The following AKT2 variants were observed in gnomAD, a reference collection of about 807,000 sequenced individuals.
AKT2 encodes the protein RAC-beta serine/threonine-protein kinase.
AKT2 carries 16 observed loss-of-function variants against 58.6 expected under a neutral mutation model. The observed-to-expected ratio is 0.27, with a 90% CI of 0.18 to 0.41. The LOEUF is 0.41. Among genes scored for constraint, AKT2 ranks in the 10% least tolerant of loss-of-function variants. The pLI is 1.00. For synonymous variants in AKT2, 253 were observed against 254.0 expected (o/e 1.00, Z 0.04); for missense variants, 438 against 661.0 (o/e 0.66, Z 3.70).
Position 40,235,057 on chromosome 19 carries a change from G to A in AKT2, c.1354C>T (p.Pro452Ser). The A allele has an allele frequency of 6.2e-7, 1 of 1,614,160 alleles. No individual in the cohort carries two copies. Among genetic ancestry groups the A allele is most frequent in the Non-Finnish European group, 8.5e-7 (1 of 1,179,994 alleles). The change falls in exon 13 of 14, where the codon CCC becomes TCC. Residue 452 changes from proline to serine, a missense_variant. Pro to Ser is a moderately conservative substitution (Grantham distance 74). Transcript: ENST00000392038. This position sits in a 1 kb window ranked among gnomAD's most constrained non-coding sequence, Gnocchi z 6.3. ...CCCAGGCACTCACAGCGGTCAGGGG[G>A]TGTGATTGTGATGGACTGGGCGGTA... ...EFTAQSITIT[P>S]PDRYDSLGLL...
In AKT2 at chr19:40,233,589, T is replaced by C; in HGVS notation, c.*283A>G. 1 of 705,220 alleles carries C rather than the reference T, an allele frequency of 1.4e-6. No individual in the cohort carries two copies. Among genetic ancestry groups the C allele is most frequent in the Non-Finnish European group, 2.6e-6 (1 of 378,666 alleles). The allele number at this position is 705,220 out of a possible 1,614,324, so 43.7% of individuals were successfully genotyped here. ...ATGCTTCACCCCTCACTGGGGCTTG[T>C]GTGGATTAAAACCTGAATCTCCAAC... On this transcript the variant is annotated 3_prime_UTR_variant, in exon 14 of 14. Transcript: ENST00000392038. The surrounding 1 kb of genome is among the most constrained non-coding windows in gnomAD (Gnocchi z 4.3).
chr19:40,282,541 TC>T, intron 1 of AKT2: 1 of 532,434 alleles, frequency 1.9e-6, no homozygotes, highest in South Asian at 1.4e-5. Context: ...AGCCTGAGGC[TC>T]AGGGGTAAGA....
At chr19:40,278,855 A>C (rs1008822530) in intron 1 of AKT2, among the ~76,000 whole-genome samples, 1 of 151,904 alleles carries the variant, frequency 6.6e-6, no homozygotes, top group Non-Finnish European at 1.5e-5. Context: ...CTTAGGGAGA[A>C]GAAATAAGGC....
rs1973904054 is a variant in AKT2 at position 40,234,729 on chromosome 19, C to T, written c.1366+316G>A. ...ATCAGTGCTGTGTCCCCAGCATAGC[C>T]CAGCCCTGGGCTGAGTTCAGAGTAA... On this transcript the variant is annotated intron_variant, in intron 13 of 13. Coordinates refer to ENST00000392038, the MANE Select transcript of AKT2 (RefSeq NM_001626.6). The surrounding 1 kb of genome is among the most constrained non-coding windows in gnomAD (Gnocchi z 4.7). 3.3e-6 allele frequency: 2 copies of T among 602,758 alleles called. No homozygotes were observed. The highest frequency in any genetic ancestry group is 5.9e-6 in the Non-Finnish European group (2 of 339,138). 37.3% of individuals were successfully genotyped at this position (602,758 alleles called of 1,614,324 possible). A position where few individuals can be genotyped will look rare whatever the true frequency, so the allele number is the denominator to read the frequency against.
At position 40,238,567 on chromosome 19, in the gene AKT2, C is replaced by A. The variant is rs968390035; in HGVS notation, c.708+338G>T. ...TTCGAGAGGACACGGGAACGGAGGG[C>A]TGCTAGGTTTTAACCCTTGGGGGCT... On this transcript the variant is annotated intron_variant, in intron 8 of 13. Coordinates refer to ENST00000392038, the MANE Select transcript of AKT2 (RefSeq NM_001626.6). The surrounding 1 kb of genome is among the most constrained non-coding windows in gnomAD (Gnocchi z 5.1). 1.3e-5 allele frequency among the ~76,000 whole-genome samples: 2 copies of A among 152,134 alleles called. No individual in the cohort carries two copies. Among genetic ancestry groups the A allele is most frequent in the Non-Finnish European group, 2.9e-5 (2 of 68,024 alleles).
intron 1 of AKT2, among the ~76,000 whole-genome samples, chr19:40,266,986 T>C (rs1189253609): frequency 1.3e-5 from 2 of 152,002 alleles, no homozygotes; most frequent in African/African-American, 4.8e-5. Context: ...TATGTATGTA[T>C]TTCTGTATCT....
At position 40,274,687 on chromosome 19, in the gene AKT2, C is replaced by T. The variant is rs921480414; in HGVS notation, c.-84-9336G>A. ...CAAAACCGGAAGCAGGTGAGAGAGC[C>T]GGGGGAGACCTGGGGAGGAACGCTG... is the stretch of plus-strand genomic sequence containing the variant. On this transcript the variant is annotated intron_variant, in intron 1 of 13. Coordinates refer to ENST00000392038, the MANE Select transcript of AKT2 (RefSeq NM_001626.6). 1.6e-5 allele frequency: 4 copies of T among 254,884 alleles called. No homozygotes were observed. The East Asian group carries it at 3.6e-4, about 23-fold the overall frequency. 15.8% of individuals were successfully genotyped at this position (254,884 alleles called of 1,614,324 possible). A position where few individuals can be genotyped will look rare whatever the true frequency, so the allele number is the denominator to read the frequency against.
intron 2 of AKT2, among the ~76,000 whole-genome samples, chr19:40,261,957 G>A (rs1181303302): frequency 6.6e-5 from 10 of 151,540 alleles, no homozygotes; most frequent in Non-Finnish European, 1.5e-4. Flanking sequence ...CTGTGTTACT[G>A]GAGGTTAGGA....
chr19:40,230,969 C>T lies in AKT2; in HGVS notation c.*2903G>A, dbSNP rs576034864. 10 of 194,160 alleles carry T rather than the reference C, an allele frequency of 5.2e-5. 1 individual carries two copies. The highest frequency in any genetic ancestry group is 4.1e-4 in the East Asian group (5 of 12,314). 12.0% of individuals were successfully genotyped at this position (194,160 alleles called of 1,614,324 possible). Reference sequence around the variant, plus strand: ...AACCCCTGGCCTCAAGAGACCCGCCCGCCTCGGCCTCCCAAATTGCTGGGA... The same window carrying T: ...AACCCCTGGCCTCAAGAGACCCGCCTGCCTCGGCCTCCCAAATTGCTGGGA... On this transcript the variant is annotated 3_prime_UTR_variant, in exon 14 of 14. Transcript: ENST00000392038.
At chr19:40,275,768 G>GC (rs1349961384) in intron 1 of AKT2, among the ~76,000 whole-genome samples, 4 of 101,868 alleles carry the variant, frequency 3.9e-5, no homozygotes, top group Non-Finnish European at 4.3e-5. Flanking sequence ...GGAGGCTGGG[G>GC]GGGGGGGGGG....
At chr19:40,258,110 G>C (rs2145314647) in intron 2 of AKT2, among the ~76,000 whole-genome samples, 1 of 152,100 alleles carries the variant, frequency 6.6e-6, no homozygotes, top group Admixed American at 6.5e-5. Flanking sequence ...GCCAGGCATG[G>C]TGGTGCATGC....
In AKT2 at chr19:40,232,457, G is replaced by A. The variant is rs1035691225; in HGVS notation, c.*1415C>T. ...AGAGGAAAAAGACCCTCACCCACCC[G>A]AACCAACCCCACCCCTCCCCACCCT... is the stretch of plus-strand genomic sequence containing the variant. On this transcript the variant is annotated 3_prime_UTR_variant, in exon 14 of 14. Coordinates refer to ENST00000392038, the MANE Select transcript of AKT2 (RefSeq NM_001626.6). 9 of 233,342 alleles carry A rather than the reference G, an allele frequency of 3.9e-5. No homozygotes were observed. Among genetic ancestry groups the A allele is most frequent in the South Asian group, 3.6e-4 (2 of 5,520 alleles). The allele number at this position is 233,342 out of a possible 1,614,324, so 14.5% of individuals were successfully genotyped here.
intron 1 of AKT2, chr19:40,275,107 G>A (rs532645470): frequency 2.2e-4 from 101 of 456,702 alleles, no homozygotes; most frequent in Non-Finnish European, 3.0e-4. Flanking sequence ...AATACCCACA[G>A]CGAGAGACAG....
Position 40,265,368 on chromosome 19 carries a change from G to GA in AKT2, c.-84-18dup. On this transcript the variant is annotated splice_polypyrimidine_tract_variant and intron_variant, in intron 1 of 13. Transcript: ENST00000392038. ...GGGCACAGTCTGCAAGACAAGAGAG[G>GA]AGCTGGTCAGGGCGGGAGGGGATTC... 6.4e-7 allele frequency: 1 copy of GA among 1,553,656 alleles called. No homozygotes were observed. The highest frequency in any genetic ancestry group is 8.7e-7 in the Non-Finnish European group (1 of 1,152,696).
At chr19:40,255,973 CAT>C (rs1486856530) in intron 3 of AKT2, among the ~76,000 whole-genome samples, 1 of 152,148 alleles carries the variant, frequency 6.6e-6, no homozygotes, top group Non-Finnish European at 1.5e-5. Flanking sequence ...GCAGACAGGC[CAT>C]GGGAAGAGGG....
intron 4 of AKT2, chr19:40,243,539 G>C (rs1192578630): frequency 6.6e-6 from 1 of 152,324 alleles, no homozygotes; most frequent in African/African-American, 2.4e-5. Flanking sequence ...GGATGTAGAG[G>C]AGAGAAGCTG....
intron 4 of AKT2, among the ~76,000 whole-genome samples, chr19:40,253,649 G>GC (rs1166162594): frequency 1.9e-4 from 29 of 152,212 alleles, no homozygotes; most frequent in Admixed American, 2.0e-4. Flanking sequence ...TAGAAACATC[G>GC]CAAAACCACA....
At position 40,234,147 on chromosome 19, in the gene AKT2, G is replaced by T. The variant is rs1207456543; in HGVS notation, c.1367-196C>A. ...CTGAGCCCCGGGCGGCCTCCTCTGGGAGTTTCCTGTGCCCTTGCCCATGCG... is the reference window on the plus strand; with the variant it reads ...CTGAGCCCCGGGCGGCCTCCTCTGGTAGTTTCCTGTGCCCTTGCCCATGCG... On this transcript the variant is annotated intron_variant, in intron 13 of 13. Transcript: ENST00000392038. This position sits in a 1 kb window ranked among gnomAD's most constrained non-coding sequence, Gnocchi z 4.7. Among the ~76,000 whole-genome samples the T allele has an allele frequency of 6.6e-6, 1 of 152,116 alleles. No individual in the cohort carries two copies. Among genetic ancestry groups the T allele is most frequent in the Non-Finnish European group, 1.5e-5 (1 of 68,002 alleles).
intron 3 of AKT2, among the ~76,000 whole-genome samples, 168 bp downstream of exon 3, chr19:40,256,758 G>A (rs368345686): frequency 3.0e-4 from 45 of 152,288 alleles, no homozygotes; most frequent in African/African-American, 9.9e-4. Flanking sequence ...GGACAGCCCC[G>A]CCTGGCCAGC....
Sources: gnomAD v4.1 joint callset for allele counts (sites outside exome capture counted in the v4.1 genomes callset) on GRCh38, gnomAD v4.1.1 for gene constraint, Gnocchi (gnomAD v3.1) non-coding constraint, MANE v1.5 for transcripts, NCBI Gene and HGNC (gene_info 2026-07-23, HGNC 2026-07-21) for gene names.